Variants in BANK1 observed in about 807,000 individuals in gnomAD.
The protein encoded by BANK1 is B cell scaffold protein with ankyrin repeats 1.
In BANK1, 95 loss-of-function variants were observed where a neutral mutation model predicts 94.5. The observed-to-expected ratio is 1.00, with a 90% CI of 0.85 to 1.19. The LOEUF is 1.19. BANK1 is among the 50% of genes most tolerant of loss of function. The pLI is 0.00. For missense variants in BANK1, 987 were observed against 932.2 expected (o/e 1.06, Z -0.77); for synonymous variants, 334 against 308.4 (o/e 1.08, Z -0.87).
At chr4:101,824,791 A>G (rs1400308963) in intron 1 of BANK1, among the ~76,000 whole-genome samples, 1 of 152,026 alleles carries the variant, frequency 6.6e-6, no homozygotes, top group Non-Finnish European at 1.5e-5. Flanking sequence ...AAACATGGGT[A>G]TGAGATTGGA....
chr4:102,009,982 T>G (rs184721312), intron 7 of BANK1, among the ~76,000 whole-genome samples: 91 of 152,314 alleles, frequency 6.0e-4, no homozygotes, highest in Admixed American at 5.2e-3. Flanking sequence ...AATTGAAGTC[T>G]GTGGCTGGGT....
chr4:101,933,133 T>A (rs1357757004), intron 7 of BANK1, among the ~76,000 whole-genome samples: 1 of 151,502 alleles, frequency 6.6e-6, no homozygotes, highest in Non-Finnish European at 1.5e-5. Flanking sequence ...AATAATGGCA[T>A]GAATACTTAG....
At chr4:101,969,784 A>G (rs1203641766) in intron 7 of BANK1, among the ~76,000 whole-genome samples, 1 of 152,090 alleles carries the variant, frequency 6.6e-6, no homozygotes, top group Non-Finnish European at 1.5e-5. Flanking sequence ...CAGGGAGAGT[A>G]GTGGTGTTCC....
intron 7 of BANK1, among the ~76,000 whole-genome samples, chr4:102,016,520 T>G (rs1290198959): frequency 6.6e-6 from 1 of 152,206 alleles, no homozygotes; most frequent in East Asian, 1.9e-4. Flanking sequence ...CTATACATGA[T>G]GCATTGGATT....
At chr4:101,935,069 T>C (rs10050084) in intron 7 of BANK1, among the ~76,000 whole-genome samples, 28,349 of 151,310 alleles carry the variant, frequency 0.19, 3,183 homozygotes, top group East Asian at 0.3. Context: ...CTTTCTAGAA[T>C]ACCTCATGGT....
chr4:101,901,763 GTTT>G (rs1553931341), intron 6 of BANK1, among the ~76,000 whole-genome samples: 2 of 7,470 alleles, frequency 2.7e-4, no homozygotes, highest in East Asian at 9.5e-4. Context: ...TTGTTTTTTT[GTTT>G]TTGTTTTTTT....
chr4:101,931,016 A>G (rs928979761), intron 7 of BANK1, among the ~76,000 whole-genome samples: 1 of 151,570 alleles, frequency 6.6e-6, no homozygotes, highest in African/African-American at 2.4e-5. Context: ...AATCCAGTAA[A>G]AGAAAATACC....
At chr4:101,948,366 C>T (rs568255221) in intron 7 of BANK1, among the ~76,000 whole-genome samples, 1 of 152,156 alleles carries the variant, frequency 6.6e-6, no homozygotes, top group African/African-American at 2.4e-5. Flanking sequence ...TTAGAACTTC[C>T]TTTCTCAGGA....
chr4:101,855,041 A>G lies in BANK1; in HGVS notation c.476A>G (p.Glu159Gly). 1 of 1,607,814 alleles carries G rather than the reference A, an allele frequency of 6.2e-7. No homozygotes were observed. Among genetic ancestry groups the G allele is most frequent in the Non-Finnish European group, 8.5e-7 (1 of 1,175,748 alleles). ...VIQSIIFKDS[E>G]DYFEVNIPTD... is the part of the protein sequence containing the mutation. ...TTCATAAAATTTTCTCTAGATTCTG[A>G]AGACTACTTTGAGGTCAACATTCCA... is the stretch of plus-strand genomic sequence containing the variant. The change falls in exon 3 of 17, where the codon GAA becomes GGA. Residue 159 changes from glutamate to glycine, a missense_variant. Coordinates refer to ENST00000322953, the MANE Select transcript of BANK1 (RefSeq NM_017935.5).
chr4:101,978,078 C>G lies in BANK1; in HGVS notation c.1207-43436C>G, dbSNP rs535213619. Among the ~76,000 whole-genome samples the G allele has an allele frequency of 4.0e-5, 6 of 151,726 alleles. No homozygotes were observed. In the East Asian group the frequency reaches 1.2e-3, roughly 29 times the overall value. ...TCCCAGGTTCAAGCAATTCTCCTGC[C>G]TTAGCCTCCCGTGTAGCTGGGAGTA... On this transcript the variant is annotated intron_variant, in intron 7 of 16. Coordinates refer to ENST00000322953, the MANE Select transcript of BANK1 (RefSeq NM_017935.5).
rs188335062 is a variant in BANK1 at position 101,905,910 on chromosome 4, A to G, written c.1009+10500A>G. The stretch of plus-strand genomic sequence containing the variant: ...GTATGGTTCTCTTGGTCCCTGTTTT[A>G]TAGCACTAAAGGAAGGGTATTGTTC... On this transcript the variant is annotated intron_variant, in intron 6 of 16. Transcript: ENST00000322953. Among the ~76,000 whole-genome samples, 14 of 152,290 alleles carry G rather than the reference A, an allele frequency of 9.2e-5. No homozygotes were observed. The East Asian group carries it at 2.7e-3, about 29-fold the overall frequency.
Position 101,801,796 on chromosome 4 carries a change from A to C in BANK1, c.70+10846A>C, listed in dbSNP as rs561701296. ...ATATTTAAAATGTAAACTTTGTCTT[A>C]TGCATCACAAATATTTTTCTTTTAT... On this transcript the variant is annotated intron_variant, in intron 1 of 16. Transcript: ENST00000322953. Among the ~76,000 whole-genome samples, 8 of 152,360 alleles carry C rather than the reference A, an allele frequency of 5.3e-5. No individual in the cohort carries two copies. In the South Asian group the frequency reaches 1.7e-3, roughly 32 times the overall value.
intron 11 of BANK1, among the ~76,000 whole-genome samples, chr4:102,051,630 C>T (rs575011820): frequency 1.5e-3 from 224 of 152,232 alleles, no homozygotes; most frequent in Middle Eastern, 3.4e-3. Context: ...CAAATCAGTC[C>T]TTTGCTCATA....
intron 7 of BANK1, among the ~76,000 whole-genome samples, chr4:102,020,670 AT>A (rs1726864232): frequency 6.6e-6 from 1 of 152,134 alleles, no homozygotes; most frequent in South Asian, 2.1e-4. Context: ...GATGCTTCTA[AT>A]TTTTGAAGGG....
At chr4:101,803,106 A>G (rs1428777388) in intron 1 of BANK1, among the ~76,000 whole-genome samples, 1 of 152,186 alleles carries the variant, frequency 6.6e-6, no homozygotes, top group East Asian at 1.9e-4. Flanking sequence ...TATGGGATGC[A>G]TTGTTGTCTC....
At chr4:101,820,134 G>A (rs975305585) in intron 1 of BANK1, among the ~76,000 whole-genome samples, 1 of 152,148 alleles carries the variant, frequency 6.6e-6, no homozygotes, top group Non-Finnish European at 1.5e-5. Context: ...ACAGGTACTT[G>A]AGATAACACA....
At chr4:101,901,279 A>G (rs1722272715) in intron 6 of BANK1, among the ~76,000 whole-genome samples, 1 of 152,218 alleles carries the variant, frequency 6.6e-6, no homozygotes, top group Admixed American at 6.5e-5. Context: ...CCCCAAATAT[A>G]TAAAGCCACA....
At chr4:102,008,877 C>A (rs1431968663) in intron 7 of BANK1, among the ~76,000 whole-genome samples, 4 of 152,204 alleles carry the variant, frequency 2.6e-5, no homozygotes, top group African/African-American at 9.6e-5. Flanking sequence ...TAGCTGTCTC[C>A]TGTTTCTCAA....
At chr4:101,864,468 G>A (rs996264730) in intron 4 of BANK1, among the ~76,000 whole-genome samples, 1 of 152,092 alleles carries the variant, frequency 6.6e-6, no homozygotes, top group Non-Finnish European at 1.5e-5. Flanking sequence ...GTTTTAGCTC[G>A]AACAGTAAAG....
Sources: allele counts gnomAD v4.1 joint callset (sites outside exome capture counted in the v4.1 genomes callset), GRCh38; gene constraint gnomAD v4.1.1; transcripts MANE v1.5; gene names NCBI Gene and HGNC (gene_info 2026-07-23, HGNC 2026-07-21).